The following MIA2 variants were observed in gnomAD, a reference collection of about 807,000 sequenced individuals.
MIA2 encodes the protein melanoma inhibitory activity protein 2.
A neutral mutation model predicts 167.8 loss-of-function variants in MIA2; 127 were observed. That is an observed-to-expected ratio of 0.76 (90% CI 0.66 to 0.88). The LOEUF (loss-of-function observed/expected upper bound fraction) is 0.88. Among genes scored for constraint, MIA2 ranks in the 40% least tolerant of loss-of-function variants. The pLI, the probability that MIA2 is intolerant of heterozygous loss-of-function variation, is 0.00. For missense variants in MIA2, 1,690 were observed against 1,624.7 expected (o/e 1.04, Z -0.69); for synonymous variants, 552 against 541.9 (o/e 1.02, Z -0.26).
intron 21 of MIA2, among the ~76,000 whole-genome samples, 174 bp downstream of exon 21, chr14:39,315,892 T>C (rs1348038595): frequency 6.6e-6 from 1 of 152,228 alleles, no homozygotes; most frequent in Admixed American, 6.5e-5. Flanking sequence ...CCAACACAGT[T>C]ATTAGAAAAA....
At chr14:39,261,707 T>C (rs1159345459) in intron 6 of MIA2, among the ~76,000 whole-genome samples, 3 of 152,200 alleles carry the variant, frequency 2.0e-5, no homozygotes, top group Non-Finnish European at 2.9e-5. Context: ...TAGTATCTCA[T>C]TGTGGTTTTG....
At chr14:39,239,394 A>G (rs1044956265) in intron 2 of MIA2, among the ~76,000 whole-genome samples, 1 of 147,648 alleles carries the variant, frequency 6.8e-6, no homozygotes, top group Non-Finnish European at 1.5e-5. Flanking sequence ...CACACACACA[A>G]ATTAGTGGGG....
At chr14:39,337,013 C>T (rs1482278363) in intron 25 of MIA2, among the ~76,000 whole-genome samples, 1 of 152,182 alleles carries the variant, frequency 6.6e-6, no homozygotes, top group East Asian at 1.9e-4. Context: ...TCCTCAGCCT[C>T]CTGAATAGTG....
chr14:39,365,091 A>G (rs1399578260), intron 23 of MIA2, among the ~76,000 whole-genome samples: 2 of 150,060 alleles, frequency 1.3e-5, no homozygotes, highest in East Asian at 3.9e-4. Flanking sequence ...TTTGTGATGG[A>G]ATCTCACTGT....
chr14:39,284,612 C>T (rs150993558), intron 9 of MIA2, among the ~76,000 whole-genome samples: 1,642 of 152,170 alleles, frequency 0.011, 30 homozygotes, highest in African/African-American at 0.037. Context: ...GTTTCCATTT[C>T]TTTGTGTGCT....
At chr14:39,311,790 C>T (rs2064329911) in intron 18 of MIA2, among the ~76,000 whole-genome samples, 2 of 146,174 alleles carry the variant, frequency 1.4e-5, no homozygotes, top group African/African-American at 5.0e-5. Context: ...GTGCCTGGCC[C>T]TTGATGTGTT....
chr14:39,347,491 C>G, intron 26 of MIA2: 1 of 530,622 alleles, frequency 1.9e-6, no homozygotes, highest in Non-Finnish European at 3.3e-6. Flanking sequence ...TGCTTAGGAA[C>G]TAGCCAGAGA....
intron 25 of MIA2, among the ~76,000 whole-genome samples, chr14:39,332,987 T>C (rs889182631): frequency 6.6e-6 from 1 of 152,210 alleles, no homozygotes; most frequent in African/African-American, 2.4e-5. Flanking sequence ...AGATATATTT[T>C]TCAGGTCTAA....
chr14:39,293,982 C>T lies in MIA2; in HGVS notation c.2320-18C>T, dbSNP rs756123727. 6.3e-7 allele frequency: 1 copy of T among 1,595,372 alleles called. No homozygotes were observed. The highest frequency in any genetic ancestry group is 8.6e-7 in the Non-Finnish European group (1 of 1,166,524). ...CTAGAGTTTAGTAAATATTAATTGCCTGATACTGTGTTTCTAGATGGCGGA... is the reference window on the plus strand; with the variant it reads ...CTAGAGTTTAGTAAATATTAATTGCTTGATACTGTGTTTCTAGATGGCGGA... On this transcript the variant is annotated intron_variant, in intron 11 of 28. Coordinates refer to ENST00000640607, the MANE Select transcript of MIA2 (RefSeq NM_001329214.4).
At chr14:39,323,668 G>A (rs1364821901) in intron 24 of MIA2, among the ~76,000 whole-genome samples, 2 of 152,116 alleles carry the variant, frequency 1.3e-5, no homozygotes, top group Non-Finnish European at 2.9e-5. Flanking sequence ...TCACAAATGA[G>A]TAGGAGCTAG....
At chr14:39,297,081 G>A (rs73277469) in intron 13 of MIA2, among the ~76,000 whole-genome samples, 2,807 of 148,380 alleles carry the variant, frequency 0.019, 98 homozygotes, top group African/African-American at 0.066. Context: ...CCGGCTATTG[G>A]TGGGCTTTTC....
intron 6 of MIA2, 124 bp from the exon 7 acceptor site, chr14:39,276,810 C>G: frequency 1.0e-6 from 1 of 971,144 alleles, no homozygotes; most frequent in Non-Finnish European, 1.5e-6. Context: ...TACTCTGATA[C>G]TTTCTGTTTG....
chr14:39,294,890 A>T, intron 12 of MIA2, 35 bp from the exon 13 acceptor site: 1 of 1,375,058 alleles, frequency 7.3e-7, no homozygotes, highest in East Asian at 2.3e-5. Flanking sequence ...TATTAAATTA[A>T]TTGTTACAAA....
intron 13 of MIA2, among the ~76,000 whole-genome samples, chr14:39,297,839 T>TTA (rs1326260614): frequency 6.6e-6 from 1 of 152,166 alleles, no homozygotes; most frequent in Non-Finnish European, 1.5e-5. Flanking sequence ...CCAGTCCTGC[T>TTA]TATACCCCTG....
At chr14:39,343,681 T>A (rs2072555599) in intron 25 of MIA2, among the ~76,000 whole-genome samples, 1 of 152,194 alleles carries the variant, frequency 6.6e-6, no homozygotes, top group Non-Finnish European at 1.5e-5. Context: ...AAAACAAAAG[T>A]TTGAAAGCAA....
At chr14:39,290,948 TAGGC>T in intron 9 of MIA2, 67 bp from the exon 10 acceptor site, 1 of 1,313,518 alleles carries the variant, frequency 7.6e-7, no homozygotes, top group South Asian at 1.3e-5. Context: ...GTCTGCTTCT[TAGGC>T]ATCTATCCAG....
intron 24 of MIA2, among the ~76,000 whole-genome samples, chr14:39,321,755 A>G (rs1467244220): frequency 8.1e-6 from 1 of 124,162 alleles, no homozygotes; most frequent in Non-Finnish European, 1.6e-5. Context: ...GTATGTATAT[A>G]TATGTAATTT....
chr14:39,293,175 T>TA, intron 10 of MIA2, 96 bp from the exon 11 acceptor site: 1 of 845,354 alleles, frequency 1.2e-6, no homozygotes. Context: ...AAATGAAAGT[T>TA]ATTTAACTTA....
Position 39,319,272 on chromosome 14 carries a change from A to G in MIA2, c.3348A>G (p.Pro1116=). The G allele has an allele frequency of 6.4e-7, 1 of 1,550,980 alleles. No individual in the cohort carries two copies. The highest frequency in any genetic ancestry group is 8.7e-7 in the Non-Finnish European group (1 of 1,146,934). The stretch of plus-strand genomic sequence containing the variant: ...AAGATCCTTATGCACTCGATGTTCC[A>G]AATACAGCATTTGGCAGAGGTAGTC... The part of the protein sequence containing the change: ...LEKDPYALDV[P]NTAFGREHSP... Residue 1116 remains proline, a synonymous_variant, in exon 23 of 29, where the codon CCA becomes CCG. Transcript: ENST00000640607.
Sources: gnomAD v4.1 joint callset for allele counts (sites outside exome capture counted in the v4.1 genomes callset) on GRCh38, gnomAD v4.1.1 for gene constraint, MANE v1.5 for transcripts, NCBI Gene and HGNC (gene_info 2026-07-23, HGNC 2026-07-21) for gene names.